Variants in SMAP1 observed in about 807,000 individuals in gnomAD.
SMAP1 encodes small ArfGAP 1.
A neutral mutation model predicts 58.5 loss-of-function variants in SMAP1; 24 were observed. The ratio of observed to expected loss-of-function variants is 0.41; its 90% CI spans 0.30 to 0.58. The LOEUF (loss-of-function observed/expected upper bound fraction) is 0.58. Among genes scored for constraint, SMAP1 ranks in the 20% least tolerant of loss-of-function variants. The probability of loss-of-function intolerance (pLI) is 0.29; values close to 1 mark genes in which losing one functional copy is unlikely to be tolerated. For missense variants in SMAP1, 563 were observed against 566.3 expected (o/e 0.99, Z 0.06); for synonymous variants, 216 against 196.6 (o/e 1.10, Z -0.82).
chr6:70,774,889 T>G (rs1003412852), intron 4 of SMAP1, among the ~76,000 whole-genome samples: 4 of 151,940 alleles, frequency 2.6e-5, no homozygotes, highest in African/African-American at 9.7e-5. Context: ...GGTGCATGCC[T>G]GTAATCCCAG....
At chr6:70,717,838 C>G (rs1237800855) in intron 1 of SMAP1, among the ~76,000 whole-genome samples, 1 of 152,016 alleles carries the variant, frequency 6.6e-6, no homozygotes, top group Admixed American at 6.6e-5. Context: ...TCTCCTTTTT[C>G]CTGGGTATAT....
intron 7 of SMAP1, among the ~76,000 whole-genome samples, chr6:70,851,980 A>ACAACATGGAAG (rs1276778710): frequency 2.0e-5 from 3 of 152,140 alleles, no homozygotes; most frequent in African/African-American, 7.2e-5. Flanking sequence ...TTGTGACTTC[A>ACAACATGGAAG]AAACATAACA....
intron 6 of SMAP1, among the ~76,000 whole-genome samples, chr6:70,800,801 A>G (rs1208026151): frequency 1.3e-5 from 2 of 152,042 alleles, no homozygotes; most frequent in Non-Finnish European, 1.5e-5. Context: ...TTTGCTGAGA[A>G]TGATGGTTTC....
chr6:70,817,130 A>G (rs548704687), intron 6 of SMAP1, among the ~76,000 whole-genome samples: 19 of 146,450 alleles, frequency 1.3e-4, no homozygotes, highest in Admixed American at 4.1e-4. Context: ...ATATATATAT[A>G]TATATATATT....
At position 70,857,188 on chromosome 6, in the gene SMAP1, GAATTAAAA is replaced by G. The variant is rs1296605799; in HGVS notation, c.961+165_961+172del. 3 of 653,002 alleles carry G rather than the reference GAATTAAAA, an allele frequency of 4.6e-6. No homozygotes were observed. The East Asian group carries it at 9.3e-5, about 20-fold the overall frequency. The allele number at this position is 653,002 out of a possible 1,614,324, so 40.5% of individuals were successfully genotyped here. ...ATGAAGCCGAAATGAATGAGCATTA[GAATTAAAA>G]AATTAAGAGGCATGTACAGGATTCA... On this transcript the variant is annotated intron_variant, in intron 9 of 10. Transcript: ENST00000370455.
At chr6:70,824,566 ATTAT>A (rs1457846061) in intron 6 of SMAP1, among the ~76,000 whole-genome samples, 2 of 152,134 alleles carry the variant, frequency 1.3e-5, no homozygotes, top group Admixed American at 6.5e-5. Flanking sequence ...TATGAATTTT[ATTAT>A]TTATATTATG....
intron 6 of SMAP1, among the ~76,000 whole-genome samples, chr6:70,800,197 C>G (rs1006369770): frequency 1.3e-5 from 2 of 151,904 alleles, no homozygotes; most frequent in Non-Finnish European, 2.9e-5. Context: ...GTGGGAGGAT[C>G]ACTTGAACCC....
intron 7 of SMAP1, among the ~76,000 whole-genome samples, chr6:70,844,433 C>A (rs1770915237): frequency 6.6e-6 from 1 of 152,094 alleles, no homozygotes; most frequent in Non-Finnish European, 1.5e-5. Context: ...ATAAGAGAAT[C>A]CCCTGATCAA....
intron 4 of SMAP1, 46 bp downstream of exon 4, chr6:70,773,471 TC>T: frequency 8.5e-7 from 1 of 1,181,954 alleles, no homozygotes; most frequent in Non-Finnish European, 1.2e-6. Flanking sequence ...TGACTAGATT[TC>T]AAACTTTTAA....
intron 1 of SMAP1, among the ~76,000 whole-genome samples, chr6:70,724,476 G>A (rs986081883): frequency 2.6e-5 from 4 of 152,196 alleles, no homozygotes; most frequent in East Asian, 3.9e-4. Context: ...GATTACAGGC[G>A]TGAGCCACTG....
intron 1 of SMAP1, among the ~76,000 whole-genome samples, chr6:70,689,448 G>A (rs1084382): frequency 0.82 from 124,206 of 152,230 alleles, 51,394 homozygotes; most frequent in East Asian, 1. Context: ...TTATGCCAAT[G>A]TTGTACAGTC....
At chr6:70,743,296 T>C (rs1173997389) in intron 2 of SMAP1, among the ~76,000 whole-genome samples, 1 of 152,210 alleles carries the variant, frequency 6.6e-6, no homozygotes, top group Non-Finnish European at 1.5e-5. Context: ...GTGGGGATAA[T>C]CAGTTAGTTA....
chr6:70,796,855 G>A (rs1768628643), intron 5 of SMAP1, among the ~76,000 whole-genome samples: 1 of 152,144 alleles, frequency 6.6e-6, no homozygotes, highest in South Asian at 2.1e-4. Flanking sequence ...TTCCTGAACA[G>A]CATTATTGAA....
chr6:70,856,466 G>C (rs1771427447), intron 8 of SMAP1, among the ~76,000 whole-genome samples: 1 of 152,196 alleles, frequency 6.6e-6, no homozygotes, highest in African/African-American at 2.4e-5. Context: ...CTTACAGTCT[G>C]TTGTAGTTGT....
At chr6:70,765,534 TG>T (rs1208462555) in intron 3 of SMAP1, among the ~76,000 whole-genome samples, 6 of 152,094 alleles carry the variant, frequency 3.9e-5, no homozygotes, top group Admixed American at 1.3e-4. Context: ...ATAGTGGTGG[TG>T]GGTCAAATCA....
At chr6:70,735,791 T>C (rs1765595619) in intron 2 of SMAP1, among the ~76,000 whole-genome samples, 1 of 152,168 alleles carries the variant, frequency 6.6e-6, no homozygotes, top group African/African-American at 2.4e-5. Context: ...TTGGGAGGTA[T>C]TTATTTATGG....
chr6:70,764,112 A>G (rs1373446424), intron 3 of SMAP1, among the ~76,000 whole-genome samples: 2 of 149,458 alleles, frequency 1.3e-5, no homozygotes, highest in African/African-American at 2.5e-5. Flanking sequence ...TGGGCTTGCT[A>G]TATTGCCCAG....
chr6:70,702,059 G>A (rs1419796893), intron 1 of SMAP1, among the ~76,000 whole-genome samples: 3 of 152,104 alleles, frequency 2.0e-5, no homozygotes, highest in African/African-American at 4.8e-5. Flanking sequence ...GTGAGTTTCC[G>A]TTGATTTTGT....
intron 7 of SMAP1, among the ~76,000 whole-genome samples, chr6:70,851,701 A>T (rs1771190746): frequency 6.6e-6 from 1 of 152,182 alleles, no homozygotes. Flanking sequence ...ATAAATGTTC[A>T]CTAACATAAA....
Sources: gnomAD v4.1 joint callset for allele counts (sites outside exome capture counted in the v4.1 genomes callset) on GRCh38, gnomAD v4.1.1 for gene constraint, MANE v1.5 for transcripts, NCBI Gene and HGNC (gene_info 2026-07-23, HGNC 2026-07-21) for gene names.